KCNMB3: variants seen among roughly 807,000 people sequenced by gnomAD.
KCNMB3 encodes the protein calcium-activated potassium channel subunit beta-3.
In KCNMB3, 18 loss-of-function variants were observed where a neutral mutation model predicts 11.9. That is an observed-to-expected ratio of 1.51 (90% CI 1.04 to 2.23). KCNMB3 has a LOEUF of 2.23. KCNMB3 is among the 30% of genes most tolerant of loss of function. The probability of loss-of-function intolerance (pLI) is 0.00; values close to 1 mark genes in which losing one functional copy is unlikely to be tolerated. For synonymous variants in KCNMB3, 78 were observed against 119.2 expected, an observed-to-expected ratio of 0.65 and a Z score of 2.25; for missense variants, 247 against 329.4, an observed-to-expected ratio of 0.75 and a Z score of 1.94.
chr3:179,263,174 G>C (rs1726274830), intron 1 of KCNMB3, among the ~76,000 whole-genome samples: 1 of 152,240 alleles, frequency 6.6e-6, no homozygotes, highest in African/African-American at 2.4e-5. Context: ...GGTATGGCGG[G>C]CTGCAGGTCC....
chr3:179,261,127 C>T, intron 1 of KCNMB3: 1 of 1,316,896 alleles, frequency 7.6e-7, no homozygotes, highest in South Asian at 1.2e-5. Context: ...CTACCTCCTT[C>T]TGCTGCCGCT....
chr3:179,256,281 C>T (rs537556130), upstream of KCNMB3, among the ~76,000 whole-genome samples: 1 of 151,930 alleles, frequency 6.6e-6, no homozygotes, highest in African/African-American at 2.4e-5. Flanking sequence ...ACAAAAAATA[C>T]AAAAATTAGC....
At position 179,259,415 on chromosome 3, in the gene KCNMB3, T is replaced by C. The variant is rs529464986; in HGVS notation, c.62+7234A>G. 7.5e-6 allele frequency: 12 copies of C among 1,598,288 alleles called. No homozygotes were observed. The East Asian group carries it at 1.3e-4, about 18-fold the overall frequency. On this transcript the variant is annotated intron_variant, in intron 1 of 3. Transcript: ENST00000349697. ...ATTGAACTGTGACATCCTCAAAATC[T>C]AATGTGTCTCTACCAGCTAGTACCT...
At chr3:179,256,192 TTGGGAGGCCCAGG>T (rs1397985076), upstream of KCNMB3, among the ~76,000 whole-genome samples, 1 of 152,226 alleles carries the variant, frequency 6.6e-6, no homozygotes, top group East Asian at 1.9e-4. Context: ...TCCCAACACT[TTGGGAGGCCCAGG>T]TGGGCAGATC....
chr3:179,249,926 T>C (rs1725777089), intron 1 of KCNMB3, among the ~76,000 whole-genome samples: 2 of 152,156 alleles, frequency 1.3e-5, no homozygotes, highest in African/African-American at 2.4e-5. Flanking sequence ...AGCTAATGCA[T>C]GCTGGGCTTA....
intron 1 of KCNMB3, among the ~76,000 whole-genome samples, chr3:179,249,007 CTTTTTT>C (rs1169837939): frequency 2.2e-5 from 2 of 89,874 alleles, no homozygotes; most frequent in Admixed American, 1.3e-4. Flanking sequence ...GACCCCGTCT[CTTTTTT>C]TTTTTTTTTT....
intron 1 of KCNMB3, among the ~76,000 whole-genome samples, chr3:179,265,747 C>T (rs7629334): frequency 0.32 from 48,480 of 152,044 alleles, 9,150 homozygotes; most frequent in African/African-American, 0.53. Flanking sequence ...TGTGAGCCAC[C>T]GCGCCTGGCA....
In KCNMB3 at chr3:179,250,907, C is replaced by G. The variant is rs1478607671; in HGVS notation, c.84G>C (p.Lys28Asn). The G allele has an allele frequency of 1.5e-5, 24 of 1,614,034 alleles. No individual in the cohort carries two copies. Among genetic ancestry groups the G allele is most frequent in the Non-Finnish European group, 1.9e-5 (23 of 1,180,034 alleles). Residue 28 changes from lysine (K) to asparagine (N), a missense_variant, in exon 1 of 3, where the codon AAG (lysine) becomes AAC (asparagine). Lys to Asn is a moderately conservative substitution (Grantham distance 94). Transcript: ENST00000392685. ...CTCCATCACTGTAGTCTGTCTCTCT[C>G]TTCTTCCCTGAGGCAGGAAAGGCTG... is the stretch of plus-strand genomic sequence containing the variant. ...QRTAFPASGK[K>N]RETDYSDGDP...
intron 1 of KCNMB3, chr3:179,259,466 G>A: frequency 6.2e-7 from 1 of 1,612,582 alleles, no homozygotes; most frequent in South Asian, 1.1e-5. Flanking sequence ...TTACATCATT[G>A]CCTTCTTGGT....
At chr3:179,241,659 G>T (rs2108436126), downstream of KCNMB3, 1 of 152,324 alleles carries the variant, frequency 6.6e-6, no homozygotes, top group South Asian at 2.1e-4. Context: ...TCCACTCATA[G>T]ATTCGGCTTA....
intron 1 of KCNMB3, among the ~76,000 whole-genome samples, chr3:179,245,521 G>C (rs1051434854): frequency 5.9e-5 from 9 of 151,298 alleles, no homozygotes; most frequent in South Asian, 2.1e-4. Flanking sequence ...TTTTGGGGGG[G>C]GGGATGGAGT....
chr3:179,251,250 T>C, upstream of KCNMB3: 2 of 1,489,060 alleles, frequency 1.3e-6, no homozygotes, highest in Non-Finnish European at 8.9e-7. Flanking sequence ...TTACGAACTT[T>C]GTTATCTTTC....
At chr3:179,251,601 C>T, upstream of KCNMB3, 1 of 1,276,988 alleles carries the variant, frequency 7.8e-7, no homozygotes, top group Non-Finnish European at 9.9e-7. Context: ...GGATGAGATA[C>T]ATTCTCGCAG....
intron 1 of KCNMB3, among the ~76,000 whole-genome samples, chr3:179,249,266 G>C (rs1005357515): frequency 1.0e-4 from 15 of 150,238 alleles, no homozygotes; most frequent in African/African-American, 3.7e-4. Context: ...ACCCATCTCG[G>C]CCTCCCAAAG....
chr3:179,249,438 A>G (rs971994605), intron 1 of KCNMB3, among the ~76,000 whole-genome samples: 1 of 152,064 alleles, frequency 6.6e-6, no homozygotes, highest in Non-Finnish European at 1.5e-5. Flanking sequence ...AGGCGGGCAG[A>G]TCACAGGGTC....
intron 1 of KCNMB3, among the ~76,000 whole-genome samples, chr3:179,249,330 A>T (rs1006529744): frequency 1.3e-5 from 2 of 150,130 alleles, no homozygotes; most frequent in East Asian, 2.0e-4. Flanking sequence ...TTCTCTTAAA[A>T]AAATAAATAA....
chr3:179,251,162 C>T, upstream of KCNMB3: 1 of 1,612,644 alleles, frequency 6.2e-7, no homozygotes, highest in Non-Finnish European at 8.5e-7. Flanking sequence ...AGCAAACAAG[C>T]CTAAGAAATG....
chr3:179,244,598 C>A lies in KCNMB3; in HGVS notation c.344G>T (p.Gly115Val), dbSNP rs185243208. 1.3e-4 allele frequency: 213 copies of A among 1,614,172 alleles called. No individual in the cohort carries two copies. The Admixed American group carries it at 3.5e-3, about 27-fold the overall frequency. ...CAFTCGVHCHGQGKYPCLQVF... is the reference protein window; with the variant it reads ...CAFTCGVHCHVQGKYPCLQVF... ...CTGAAGACACGGGTACTTCCCCTGA[C>A]CGTGGCAGTGCACACCACAGGTGAA... is the stretch of plus-strand genomic sequence containing the variant. The change falls in exon 2 of 3, where the codon GGT becomes GTT. Residue 115 changes from glycine to valine, a missense_variant. By Grantham distance (109) the Gly-to-Val change is moderately radical. Around this residue, in one of 2 missense-constraint regions of KCNMB3, gnomAD observed 160 missense variants for 157.5 expected, o/e 1.02. Transcript: ENST00000392685.
intron 1 of KCNMB3, among the ~76,000 whole-genome samples, chr3:179,265,214 AGTCT>A (rs1247531391): frequency 2.6e-5 from 4 of 152,228 alleles, no homozygotes; most frequent in African/African-American, 9.6e-5. Context: ...TTTCCTCTGT[AGTCT>A]GTCTGGTCCT....
Sources: gnomAD v4.1 joint callset for allele counts (sites outside exome capture counted in the v4.1 genomes callset) on GRCh38, gnomAD v4.1.1 for gene constraint, gnomAD v4.1.1 regional missense constraint, MANE v1.5 for transcripts, NCBI Gene and HGNC (gene_info 2026-07-23, HGNC 2026-07-21) for gene names.